NAALADL2: variants seen among roughly 807,000 people sequenced by gnomAD.
NAALADL2 encodes the protein N-acetylated alpha-linked acidic dipeptidase like 2.
A neutral mutation model predicts 87.2 loss-of-function variants in NAALADL2; 76 were observed. The ratio of observed to expected loss-of-function variants is 0.87; its 90% CI spans 0.72 to 1.05. NAALADL2 has a LOEUF of 1.05. NAALADL2 is among the 50% of genes least tolerant of loss of function. The pLI is 0.00. For synonymous variants in NAALADL2, 354 were observed against 331.0 expected, an observed-to-expected ratio of 1.07 and a Z score of -0.75; for missense variants, 1,089 against 945.8, an observed-to-expected ratio of 1.15 and a Z score of -1.99.
intron 1 of NAALADL2, among the ~76,000 whole-genome samples, chr3:174,987,664 G>GT (rs1437769466): frequency 2.8e-5 from 4 of 143,472 alleles, no homozygotes; most frequent in Non-Finnish European, 6.0e-5. Context: ...GTGTCACTCT[G>GT]TCACCAGTCT....
At chr3:174,809,058 C>T (rs921682605) in intron 3 of NAALADL2, among the ~76,000 whole-genome samples, 4 of 152,134 alleles carry the variant, frequency 2.6e-5, no homozygotes, top group African/African-American at 9.7e-5. Flanking sequence ...CTTAATTACA[C>T]ATTTACCCAA....
At chr3:174,495,868 A>G (rs1718503018) in intron 1 of NAALADL2, among the ~76,000 whole-genome samples, 1 of 152,188 alleles carries the variant, frequency 6.6e-6, no homozygotes, top group Non-Finnish European at 1.5e-5. Context: ...GAATGACAGG[A>G]TTAGATCAGT....
At chr3:175,336,600 C>A (rs1761998180) in intron 5 of NAALADL2, among the ~76,000 whole-genome samples, 1 of 152,200 alleles carries the variant, frequency 6.6e-6, no homozygotes, top group African/African-American at 2.4e-5. Flanking sequence ...CCTGCAGGTG[C>A]ACCTGCTTAT....
At chr3:175,350,973 A>G (rs1466360619) in intron 5 of NAALADL2, among the ~76,000 whole-genome samples, 5 of 152,192 alleles carry the variant, frequency 3.3e-5, no homozygotes, top group African/African-American at 9.6e-5. Context: ...AGATGATTTT[A>G]TAATTACCAA....
intron 2 of NAALADL2, among the ~76,000 whole-genome samples, chr3:174,645,020 C>T (rs1021286342): frequency 3.9e-5 from 6 of 152,108 alleles, no homozygotes; most frequent in African/African-American, 1.4e-4. Context: ...ATGAGAACAC[C>T]TTCTTTCTTA....
In NAALADL2 at chr3:175,575,658, GA is replaced by G. The variant is rs1214508580; in HGVS notation, c.1654-380del. 3.3e-5 allele frequency among the ~76,000 whole-genome samples: 5 copies of G among 151,980 alleles called. No homozygotes were observed. In the South Asian group the frequency reaches 8.3e-4, roughly 25 times the overall value. ...TACAAAGCATTCTTTAAGTTTATGG[GA>G]AACCTTAATTAAAAAAACAAAATGC... On this transcript the variant is annotated intron_variant, in intron 9 of 13. Transcript: ENST00000454872.
At chr3:175,695,478 T>C (rs1182367702) in intron 11 of NAALADL2, among the ~76,000 whole-genome samples, 1 of 152,188 alleles carries the variant, frequency 6.6e-6, no homozygotes, top group East Asian at 1.9e-4. Context: ...GTAATGTTCA[T>C]AGTGAGGTTT....
chr3:174,501,496 G>C (rs1718896933), intron 1 of NAALADL2, among the ~76,000 whole-genome samples: 1 of 152,030 alleles, frequency 6.6e-6, no homozygotes, highest in Admixed American at 6.6e-5. Flanking sequence ...AAGTGTTTAG[G>C]AATTTTCTCC....
At chr3:175,220,239 A>C (rs1743155781) in intron 2 of NAALADL2, among the ~76,000 whole-genome samples, 1 of 151,928 alleles carries the variant, frequency 6.6e-6, no homozygotes, top group African/African-American at 2.4e-5. Flanking sequence ...CCTCATAAAA[A>C]GTTTTGGACA....
rs200109430 is a variant in NAALADL2 at position 175,400,695 on chromosome 3, G to A, written c.1091-46534G>A. Among the ~76,000 whole-genome samples the A allele has an allele frequency of 2.6e-5, 4 of 152,250 alleles. No individual in the cohort carries two copies. The East Asian group carries it at 7.7e-4, about 29-fold the overall frequency. On this transcript the variant is annotated intron_variant, in intron 5 of 13. Coordinates refer to ENST00000454872, the MANE Select transcript of NAALADL2 (RefSeq NM_207015.3). ...TTAAAATAGGTTTAAAGAAAGGGTT[G>A]CAGAGTATATATTTTATGTTGTACA...
At chr3:174,866,358 T>C (rs1383802497) in intron 1 of NAALADL2, among the ~76,000 whole-genome samples, 3 of 151,878 alleles carry the variant, frequency 2.0e-5, no homozygotes, top group African/African-American at 7.2e-5. Flanking sequence ...TATGCAGCCA[T>C]ATATTTGTCA....
intron 9 of NAALADL2, among the ~76,000 whole-genome samples, chr3:175,479,002 A>T (rs1726088674): frequency 6.6e-6 from 1 of 151,860 alleles, no homozygotes. Flanking sequence ...ACATATGACA[A>T]TTTATATAGT....
intron 10 of NAALADL2, among the ~76,000 whole-genome samples, chr3:175,624,075 A>T (rs1726641375): frequency 6.6e-6 from 1 of 151,876 alleles, no homozygotes; most frequent in African/African-American, 2.4e-5. Flanking sequence ...GCTAGAAATA[A>T]ACAAACGAAA....
chr3:174,468,739 A>G (rs1476071124), intron 1 of NAALADL2, among the ~76,000 whole-genome samples: 2 of 147,022 alleles, frequency 1.4e-5, no homozygotes, highest in Admixed American at 1.4e-4. Flanking sequence ...CCTGACTTAT[A>G]TGTATTGGAT....
chr3:175,256,633 G>C (rs904065371), intron 4 of NAALADL2, 103 bp downstream of exon 4: 102 of 1,062,752 alleles, frequency 9.6e-5, no homozygotes, highest in Non-Finnish European at 1.3e-4. Flanking sequence ...GCATATAGGT[G>C]TGTGAGAGAG....
chr3:174,636,582 T>C (rs1034034923), intron 2 of NAALADL2, among the ~76,000 whole-genome samples: 4 of 152,060 alleles, frequency 2.6e-5, no homozygotes, highest in African/African-American at 9.7e-5. Flanking sequence ...ATCAGGGAAA[T>C]GTAAATGAAA....
chr3:174,832,839 G>A (rs940610234), intron 3 of NAALADL2, among the ~76,000 whole-genome samples: 8 of 152,162 alleles, frequency 5.3e-5, no homozygotes, highest in Non-Finnish European at 1.0e-4. Flanking sequence ...CATACTGAAA[G>A]CAAGTAGTGG....
chr3:174,682,286 G>C (rs1405898392), intron 2 of NAALADL2, among the ~76,000 whole-genome samples: 1 of 152,196 alleles, frequency 6.6e-6, no homozygotes, highest in African/African-American at 2.4e-5. Context: ...ACTGGCCATG[G>C]CTTCTGGACA....
At chr3:175,121,144 C>A (rs1391418407) in intron 2 of NAALADL2, among the ~76,000 whole-genome samples, 1 of 151,786 alleles carries the variant, frequency 6.6e-6, no homozygotes, top group East Asian at 1.9e-4. Flanking sequence ...AAGGTTGAAT[C>A]TGTTTCTATA....
Sources: allele counts gnomAD v4.1 joint callset (sites outside exome capture counted in the v4.1 genomes callset), GRCh38; gene constraint gnomAD v4.1.1; transcripts MANE v1.5; gene names NCBI Gene and HGNC (gene_info 2026-07-23, HGNC 2026-07-21).